The following CCDC60 variants were observed in gnomAD, a reference collection of about 807,000 sequenced individuals.
CCDC60 encodes coiled-coil domain-containing protein 60.
A neutral mutation model predicts 63.5 loss-of-function variants in CCDC60; 54 were observed. That is an observed-to-expected ratio of 0.85 (90% CI 0.68 to 1.07). The LOEUF (loss-of-function observed/expected upper bound fraction) is 1.07. Among genes scored for constraint, CCDC60 ranks in the 50% least tolerant of loss-of-function variants. CCDC60 has a pLI of 0.00. For missense variants in CCDC60, 651 were observed against 684.3 expected, an observed-to-expected ratio of 0.95 and a Z score of 0.54; for synonymous variants, 206 against 238.8, an observed-to-expected ratio of 0.86 and a Z score of 1.27.
intron 1 of CCDC60, among the ~76,000 whole-genome samples, chr12:119,350,036 C>T (rs966904062): frequency 4.6e-5 from 7 of 152,130 alleles, no homozygotes; most frequent in Non-Finnish European, 5.9e-5. Context: ...AGCAACATTT[C>T]AACCTTCCCT....
chr12:119,366,771 T>C (rs1955844723), intron 1 of CCDC60, among the ~76,000 whole-genome samples: 1 of 152,090 alleles, frequency 6.6e-6, no homozygotes, highest in African/African-American at 2.4e-5. Context: ...CATGTACCCG[T>C]GGGATCAAGA....
rs981230789 is a variant in CCDC60, at chr12:119,450,696, A to C, written c.171-21298A>C. On this transcript the variant is annotated intron_variant, in intron 2 of 13. Coordinates refer to ENST00000327554, the MANE Select transcript of CCDC60 (RefSeq NM_178499.5). ...ACATGGTGAAACCCCACCTCTACTA[A>C]AAATACAAAAATTAGCTAGGCTTTG... is the stretch of plus-strand genomic sequence containing the variant. Among the ~76,000 whole-genome samples the C allele has an allele frequency of 9.2e-5, 14 of 152,134 alleles. 1 individual carries two copies. The highest frequency in any genetic ancestry group is 8.5e-4 in the Admixed American group (13 of 15,272).
intron 1 of CCDC60, among the ~76,000 whole-genome samples, chr12:119,367,207 A>G (rs1365800745): frequency 3.3e-5 from 5 of 152,196 alleles, no homozygotes; most frequent in Non-Finnish European, 7.3e-5. Flanking sequence ...TCAGCCTTCA[A>G]ACAATCCTAA....
At chr12:119,397,076 G>A (rs1956269617) in intron 1 of CCDC60, among the ~76,000 whole-genome samples, 1 of 151,592 alleles carries the variant, frequency 6.6e-6, no homozygotes. Context: ...ATCTGGAGTT[G>A]TTCGTTCCTC....
intron 2 of CCDC60, among the ~76,000 whole-genome samples, chr12:119,463,054 C>T (rs1433829025): frequency 1.3e-5 from 2 of 152,110 alleles, no homozygotes; most frequent in African/African-American, 4.8e-5. Flanking sequence ...GAACTCCTGA[C>T]CTCAAGTGAT....
chr12:119,539,910 C>T (rs1322953684), intron 13 of CCDC60, among the ~76,000 whole-genome samples: 2 of 152,226 alleles, frequency 1.3e-5, no homozygotes, highest in African/African-American at 2.4e-5. Flanking sequence ...AGCACAGTCC[C>T]TCACAGCTTC....
intron 6 of CCDC60, 88 bp from the exon 7 acceptor site, chr12:119,504,981 C>A: frequency 1.0e-6 from 1 of 988,066 alleles, no homozygotes; most frequent in Non-Finnish European, 1.5e-6. Context: ...TGCTGTCCCT[C>A]CCCACCTTCC....
chr12:119,389,743 C>A (rs1956123701), intron 1 of CCDC60, among the ~76,000 whole-genome samples: 1 of 152,076 alleles, frequency 6.6e-6, no homozygotes, highest in South Asian at 2.1e-4. Context: ...AGCCCCCCTA[C>A]CCACCTCCCA....
At chr12:119,380,757 T>C (rs1236199139) in intron 1 of CCDC60, among the ~76,000 whole-genome samples, 3 of 152,250 alleles carry the variant, frequency 2.0e-5, no homozygotes, top group Non-Finnish European at 2.9e-5. Context: ...GCTCTTCCTT[T>C]TAACAGAAAG....
chr12:119,417,349 CT>C (rs1956720215), intron 1 of CCDC60, among the ~76,000 whole-genome samples: 1 of 151,966 alleles, frequency 6.6e-6, no homozygotes, highest in Admixed American at 6.6e-5. Context: ...GAAGAGAGAT[CT>C]TGTTAACCAG....
At chr12:119,442,789 T>C (rs1230322469) in intron 2 of CCDC60, among the ~76,000 whole-genome samples, 1 of 152,236 alleles carries the variant, frequency 6.6e-6, no homozygotes, top group Non-Finnish European at 1.5e-5. Flanking sequence ...TTTAAGACTC[T>C]CAATACTTAA....
intron 1 of CCDC60, among the ~76,000 whole-genome samples, chr12:119,356,581 C>G (rs1389950101): frequency 1.3e-5 from 2 of 152,206 alleles, no homozygotes; most frequent in Admixed American, 6.5e-5. Context: ...TATCAGTCCC[C>G]AGATACAGGC....
chr12:119,398,247 G>C (rs1956319526), intron 1 of CCDC60, among the ~76,000 whole-genome samples: 1 of 151,776 alleles, frequency 6.6e-6, no homozygotes, highest in Non-Finnish European at 1.5e-5. Flanking sequence ...CGGCAGTGCT[G>C]GGGGACCCGG....
At position 119,460,115 on chromosome 12, in the gene CCDC60, G is replaced by C. The variant is rs373174974; in HGVS notation, c.171-11879G>C. 1.9e-3 allele frequency among the ~76,000 whole-genome samples: 294 copies of C among 152,124 alleles called. 3 individuals carry two copies. In the East Asian group the frequency reaches 0.024, roughly 12 times the overall value. ...AGGAGTGGTTAGTTAATAGTTAATA[G>C]TTAATAGTCTTGTTGTAAGTCTGTC... On this transcript the variant is annotated intron_variant, in intron 2 of 13. Transcript: ENST00000327554.
At position 119,482,141 on chromosome 12, in the gene CCDC60, T is replaced by TATATACACACACACAG. The variant is rs1951342087; in HGVS notation, c.449+2943_449+2944insTACACACACACAGATA. On this transcript the variant is annotated intron_variant, in intron 4 of 13. Coordinates refer to ENST00000327554, the MANE Select transcript of CCDC60 (RefSeq NM_178499.5). ...ATATATACATATATATACACATATATATACACACACACACACATACACACA... is the reference window on the plus strand; with the variant it reads ...ATATATACATATATATACACATATATATATACACACACACAGATACACACACACACACATACACACA... 2.8e-5 allele frequency among the ~76,000 whole-genome samples: 4 copies of TATATACACACACACAG among 145,412 alleles called. No individual in the cohort carries two copies. In the South Asian group the frequency reaches 8.8e-4, roughly 32 times the overall value.
chr12:119,360,376 GGCCGGGCGGGGGGCTGACC>G (rs1396212994), intron 1 of CCDC60, among the ~76,000 whole-genome samples: 3 of 86,106 alleles, frequency 3.5e-5, no homozygotes, highest in East Asian at 3.5e-3. Context: ...CGGGGCGGCT[GGCCGGGCGGGGGGCTGACC>G]CCCCCACCTC....
intron 8 of CCDC60, among the ~76,000 whole-genome samples, chr12:119,519,434 T>TGTGTGCGCACGC (rs1262823056): frequency 8.2e-6 from 1 of 121,940 alleles, no homozygotes; most frequent in East Asian, 2.5e-4. Flanking sequence ...TGTGTGTGTG[T>TGTGTGCGCACGC]GCGCGTGTGT....
chr12:119,387,034 T>TCTCTCA (rs543330015), intron 1 of CCDC60, among the ~76,000 whole-genome samples: 1,418 of 105,396 alleles, frequency 0.013, 27 homozygotes, highest in Middle Eastern at 0.021. Context: ...TCTGTCTCTC[T>TCTCTCA]CACACACACA....
chr12:119,479,599 T>C, intron 4 of CCDC60: 1 of 187,868 alleles, frequency 5.3e-6, no homozygotes, highest in East Asian at 1.5e-4. Flanking sequence ...ACCTGAGGCA[T>C]GAACTCATCA....
Sources: allele counts gnomAD v4.1 joint callset (sites outside exome capture counted in the v4.1 genomes callset), GRCh38; gene constraint gnomAD v4.1.1; transcripts MANE v1.5; gene names NCBI Gene and HGNC (gene_info 2026-07-23, HGNC 2026-07-21).